NSL1: variants seen among roughly 807,000 people sequenced by gnomAD.
The protein encoded by NSL1 is kinetochore-associated protein NSL1 homolog.
A neutral mutation model predicts 25.4 loss-of-function variants in NSL1; 11 were observed. The ratio of observed to expected loss-of-function variants is 0.43; its 90% CI spans 0.27 to 0.72. NSL1 has a LOEUF of 0.72. Ranked by LOEUF, NSL1 falls within the 30% of genes least tolerant of loss-of-function variation. The probability of loss-of-function intolerance (pLI) is 0.19; values close to 1 mark genes in which losing one functional copy is unlikely to be tolerated. For missense variants in NSL1, 330 were observed against 342.7 expected, an observed-to-expected ratio of 0.96 and a Z score of 0.29; for synonymous variants, 118 against 120.6, an observed-to-expected ratio of 0.98 and a Z score of 0.14.
intron 4 of NSL1, among the ~76,000 whole-genome samples, chr1:212,773,301 T>A (rs1248392329): frequency 6.6e-6 from 1 of 151,830 alleles, no homozygotes; most frequent in Non-Finnish European, 1.5e-5. Context: ...GGGACTAGTA[T>A]CCAATATACA....
At chr1:212,774,868 T>C (rs531487454) in intron 4 of NSL1, among the ~76,000 whole-genome samples, 1 of 152,348 alleles carries the variant, frequency 6.6e-6, no homozygotes, top group Admixed American at 6.5e-5. Context: ...GTACAGGAAC[T>C]TGTACATGAA....
intron 5 of NSL1, among the ~76,000 whole-genome samples, chr1:212,739,104 C>T (rs766579138): frequency 2.6e-5 from 4 of 152,078 alleles, no homozygotes; most frequent in African/African-American, 4.8e-5. Flanking sequence ...TACTTATGTG[C>T]GCAACCTGCT....
chr1:212,778,854 C>A (rs1660517911), intron 4 of NSL1, among the ~76,000 whole-genome samples: 1 of 152,144 alleles, frequency 6.6e-6, no homozygotes, highest in South Asian at 2.1e-4. Context: ...CTCTGCCTGG[C>A]CGCCTATCGT....
At position 212,760,970 on chromosome 1, in the gene NSL1, C is replaced by T. The variant is rs1368520531; in HGVS notation, c.500-21369G>A. ...AACCATAGCGTAAGTCACTAAGGAA[C>T]TCACAAACATCACTGACACTGATTA... On this transcript the variant is annotated intron_variant, in intron 4 of 5. Transcript: ENST00000366977. The surrounding 1 kb of genome is among the most constrained non-coding windows in gnomAD (Gnocchi z 4.3). 4.6e-5 allele frequency among the ~76,000 whole-genome samples: 7 copies of T among 152,224 alleles called. No individual in the cohort carries two copies. Among genetic ancestry groups the T allele is most frequent in the Non-Finnish European group, 8.8e-5 (6 of 68,036 alleles).
intron 4 of NSL1, among the ~76,000 whole-genome samples, chr1:212,779,643 T>C (rs112785490): frequency 0.096 from 5,954 of 61,938 alleles, 1,429 homozygotes; most frequent in African/African-American, 0.26. Flanking sequence ...CTGCCCCATC[T>C]GGGAGGTGAG....
intron 4 of NSL1, among the ~76,000 whole-genome samples, chr1:212,779,706 G>A (rs1660609985): frequency 9.6e-6 from 1 of 104,292 alleles, no homozygotes; most frequent in African/African-American, 3.6e-5. Flanking sequence ...CCACTGCCCG[G>A]CCAGCCGCCC....
In NSL1 at chr1:212,729,304, A is replaced by G. The variant is rs777245950; in HGVS notation, c.*9104T>C. ...TCCCTCTAATGGATCCCTAGATGCT[A>G]CTGATGGCTCCCCTAACTGACGGCA... On this transcript the variant is annotated 3_prime_UTR_variant, in exon 6 of 6. Transcript: ENST00000366977. 1.9e-4 allele frequency: 186 copies of G among 985,042 alleles called. No individual in the cohort carries two copies. Among genetic ancestry groups the G allele is most frequent in the Non-Finnish European group, 2.1e-4 (176 of 829,704 alleles). 61.0% of individuals were successfully genotyped at this position (985,042 alleles called of 1,614,324 possible). A position where few individuals can be genotyped will look rare whatever the true frequency, so the allele number is the denominator to read the frequency against.
chr1:212,779,173 A>G (rs1398723157), intron 4 of NSL1, among the ~76,000 whole-genome samples: 1 of 112,198 alleles, frequency 8.9e-6, no homozygotes, highest in Non-Finnish European at 1.9e-5. Context: ...CGGCAACCAC[A>G]CCGTCTGGGA....
chr1:212,741,418 G>C lies in NSL1; in HGVS notation c.500-1817C>G, dbSNP rs372692029. ...GTCGAATCATAATCCCAATGTTAGA[G>C]GTGGGGCCTGGTGGGAGGTGATTGG... On this transcript the variant is annotated intron_variant, in intron 4 of 5. Coordinates refer to ENST00000366977, the MANE Select transcript of NSL1 (RefSeq NM_015471.4). 3.9e-4 allele frequency among the ~76,000 whole-genome samples: 60 copies of C among 152,312 alleles called. No individual in the cohort carries two copies. In the South Asian group the frequency reaches 0.012, roughly 31 times the overall value.
intron 4 of NSL1, among the ~76,000 whole-genome samples, chr1:212,740,620 T>C (rs1658461317): frequency 6.6e-6 from 1 of 152,140 alleles, no homozygotes; most frequent in Non-Finnish European, 1.5e-5. Context: ...AAGTTCAGCA[T>C]TCAATTGACA....
intron 4 of NSL1, among the ~76,000 whole-genome samples, chr1:212,764,201 A>G (rs752403611): frequency 2.1e-4 from 32 of 152,244 alleles, no homozygotes; most frequent in Admixed American, 9.8e-4. Flanking sequence ...AATGAAATCA[A>G]TATGTAAATT....
In NSL1 at chr1:212,730,130, A is replaced by G. The variant is rs1319196617; in HGVS notation, c.*8278T>C. ...CCCAGCATGGTAGCACGCGCCTGTA[A>G]TCCCAGCTACTCGGGAGGCTAAGGC... On this transcript the variant is annotated 3_prime_UTR_variant, in exon 6 of 6. Transcript: ENST00000366977. 2.4e-6 allele frequency: 2 copies of G among 823,328 alleles called. No individual in the cohort carries two copies. Among genetic ancestry groups the G allele is most frequent in the Admixed American group, 6.5e-5 (1 of 15,472 alleles). 51.0% of individuals were successfully genotyped at this position (823,328 alleles called of 1,614,324 possible).
At chr1:212,772,224 G>C (rs1480364065) in intron 4 of NSL1, among the ~76,000 whole-genome samples, 1 of 152,116 alleles carries the variant, frequency 6.6e-6, no homozygotes, top group East Asian at 1.9e-4. Flanking sequence ...AAACAGACTA[G>C]TACAGGATAC....
At chr1:212,756,053 G>A (rs1274489677) in intron 4 of NSL1, among the ~76,000 whole-genome samples, 3 of 152,054 alleles carry the variant, frequency 2.0e-5, no homozygotes, top group South Asian at 4.1e-4. Flanking sequence ...GGTTAATGTT[G>A]GATATCTAAA....
chr1:212,729,629 T>C lies in NSL1; in HGVS notation c.*8779A>G, dbSNP rs1657926816. ...AGGCACACAGGGCATAGACAGAATA[T>C]GACAAGTCAGAGAGAATTCGAACAC... On this transcript the variant is annotated 3_prime_UTR_variant, in exon 6 of 6. Transcript: ENST00000366977. 1.0e-6 allele frequency: 1 copy of C among 985,410 alleles called. No homozygotes were observed. Among genetic ancestry groups the C allele is most frequent in the Non-Finnish European group, 1.2e-6 (1 of 829,930 alleles). 61.0% of individuals were successfully genotyped at this position (985,410 alleles called of 1,614,324 possible).
Position 212,731,603 on chromosome 1 carries a change from G to C in NSL1, c.*6805C>G, listed in dbSNP as rs984932122. On this transcript the variant is annotated 3_prime_UTR_variant, in exon 6 of 6. Transcript: ENST00000366977. ...TCAAAAATTATCAGTCCCTGGCCCAGTTCCCCCACCTAAGTTCATCCACAG... is the reference window on the plus strand; with the variant it reads ...TCAAAAATTATCAGTCCCTGGCCCACTTCCCCCACCTAAGTTCATCCACAG... 5 of 985,262 alleles carry C rather than the reference G, an allele frequency of 5.1e-6. No individual in the cohort carries two copies. The African/African-American group carries it at 8.7e-5, about 17-fold the overall frequency. The allele number at this position is 985,262 out of a possible 1,614,324, so 61.0% of individuals were successfully genotyped here.
At chr1:212,780,133 G>C (rs1405444368) in intron 4 of NSL1, among the ~76,000 whole-genome samples, 2 of 151,934 alleles carry the variant, frequency 1.3e-5, no homozygotes, top group Non-Finnish European at 2.9e-5. Context: ...GTAGACATGG[G>C]AAACTTTTCA....
intron 4 of NSL1, among the ~76,000 whole-genome samples, chr1:212,773,529 A>G (rs1372363234): frequency 6.6e-6 from 1 of 152,208 alleles, no homozygotes; most frequent in African/African-American, 2.4e-5. Context: ...AAAAGATAAA[A>G]AATAACAAAT....
Position 212,730,324 on chromosome 1 carries a change from TTCC to T in NSL1, c.*8081_*8083del. ...GTGAAGAGTTGTGTGGAGGGTGGCA[TTCC>T]CATCAAGGTGGCATCAGGGGCAGAA... is the stretch of plus-strand genomic sequence containing the variant. On this transcript the variant is annotated 3_prime_UTR_variant, in exon 6 of 6. Coordinates refer to ENST00000366977, the MANE Select transcript of NSL1 (RefSeq NM_015471.4). 1 of 982,222 alleles carries T rather than the reference TTCC, an allele frequency of 1.0e-6. No individual in the cohort carries two copies. The highest frequency in any genetic ancestry group is 1.2e-6 in the Non-Finnish European group (1 of 829,544). The allele number at this position is 982,222 out of a possible 1,614,324, so 60.8% of individuals were successfully genotyped here.
Sources: gnomAD v4.1 joint callset for allele counts (sites outside exome capture counted in the v4.1 genomes callset) on GRCh38, gnomAD v4.1.1 for gene constraint, Gnocchi (gnomAD v3.1) non-coding constraint, MANE v1.5 for transcripts, NCBI Gene and HGNC (gene_info 2026-07-23, HGNC 2026-07-21) for gene names.